The following UHRF2 variants were observed in gnomAD, a reference collection of about 807,000 sequenced individuals.
UHRF2 encodes the protein ubiquitin like with PHD and ring finger domains 2.
Under a neutral mutation model 96.8 loss-of-function variants are expected in UHRF2, and 23 were observed. The ratio of observed to expected loss-of-function variants is 0.24; its 90% CI spans 0.17 to 0.34. UHRF2 has a LOEUF of 0.34. Ranked by LOEUF, UHRF2 falls within the 10% of genes least tolerant of loss-of-function variation. UHRF2 has a pLI of 1.00. For missense variants in UHRF2, 685 were observed against 981.5 expected (o/e 0.70, Z 4.04); for synonymous variants, 385 against 332.6 (o/e 1.16, Z -1.72).
At chr9:6,461,342 CCTCT>C (rs1413857920) in intron 4 of UHRF2, among the ~76,000 whole-genome samples, 1 of 122,078 alleles carries the variant, frequency 8.2e-6, no homozygotes, top group African/African-American at 3.3e-5. Flanking sequence ...TCCCTCCCTC[CCTCT>C]CTCTCTCCCC....
At chr9:6,491,065 T>G (rs1435677587) in intron 9 of UHRF2, among the ~76,000 whole-genome samples, 1 of 152,234 alleles carries the variant, frequency 6.6e-6, no homozygotes, top group Non-Finnish European at 1.5e-5. Context: ...ATAACTGAGT[T>G]AATATTTTAG....
chr9:6,421,032 T>A lies in UHRF2; in HGVS notation c.274T>A (p.Cys92Ser). 6.2e-7 allele frequency: 1 copy of A among 1,614,196 alleles called. No homozygotes were observed. The highest frequency in any genetic ancestry group is 8.5e-7 in the Non-Finnish European group (1 of 1,180,032). The change falls in exon 2 of 16, where the codon TGT becomes AGT. Residue 92 changes from cysteine to serine, a missense_variant. Physicochemically the swap from Cys to Ser is moderately radical, Grantham distance 112 (BLOSUM62 -1). Coordinates refer to ENST00000276893, the MANE Select transcript of UHRF2 (RefSeq NM_152896.3). ...GTSTQIEAKP[C>S]SNSPPKVKKA... Reference sequence around the variant, plus strand: ...ATCTACACAGATTGAGGCTAAACCCTGTTCTAATAGTCCACCTAAAGTAAA... The same window carrying A: ...ATCTACACAGATTGAGGCTAAACCCAGTTCTAATAGTCCACCTAAAGTAAA...
chr9:6,464,687 C>G (rs1455177340), intron 4 of UHRF2, among the ~76,000 whole-genome samples: 1 of 152,172 alleles, frequency 6.6e-6, no homozygotes, highest in Non-Finnish European at 1.5e-5. Flanking sequence ...CATTGATCTT[C>G]AGTATCACCT....
chr9:6,433,206 T>C (rs1004121280), intron 2 of UHRF2, among the ~76,000 whole-genome samples: 7 of 152,332 alleles, frequency 4.6e-5, no homozygotes, highest in African/African-American at 1.7e-4. Context: ...CTTAATTCTC[T>C]GATACACCTG....
rs1426677781 is a variant in UHRF2, at chr9:6,413,211, T to C, written c.-280T>C. On this transcript the variant is annotated 5_prime_UTR_variant, in exon 1 of 16. Coordinates refer to ENST00000276893, the MANE Select transcript of UHRF2 (RefSeq NM_152896.3). ...GAGCTCCAGCTCTATAAGTAAACACTCTGCGCGGCGCAGACATGGCCTCTT... is the reference window on the plus strand; with the variant it reads ...GAGCTCCAGCTCTATAAGTAAACACCCTGCGCGGCGCAGACATGGCCTCTT... 2 of 162,318 alleles carry C rather than the reference T, an allele frequency of 1.2e-5. No homozygotes were observed. Among genetic ancestry groups the C allele is most frequent in the Non-Finnish European group, 2.7e-5 (2 of 74,840 alleles). 10.1% of individuals were successfully genotyped at this position (162,318 alleles called of 1,614,324 possible).
At chr9:6,500,003 A>C (rs1006824861) in intron 13 of UHRF2, 72 bp downstream of exon 13, 12 of 1,222,862 alleles carry the variant, frequency 9.8e-6, no homozygotes, top group Middle Eastern at 2.1e-4. Flanking sequence ...ACGGGGTCTC[A>C]CTCTTGTCAC....
intron 2 of UHRF2, among the ~76,000 whole-genome samples, chr9:6,427,386 A>G (rs183063783): frequency 1.6e-4 from 25 of 152,248 alleles, no homozygotes; most frequent in African/African-American, 6.0e-4. Flanking sequence ...TTTAAACAGT[A>G]TGTTAAGATG....
In UHRF2 at chr9:6,445,981, C is replaced by CTTTGTTTTTTTTTTTTTTTTTTT. The variant is rs751155835; in HGVS notation, c.644+11811_644+11812insGTTTTTTTTTTTTTTTTTTTTTT. Among the ~76,000 whole-genome samples, 16 of 78,900 alleles carry CTTTGTTTTTTTTTTTTTTTTTTT rather than the reference C, an allele frequency of 2.0e-4. 1 individual carries two copies. The highest frequency in any genetic ancestry group is 7.3e-4 in the African/African-American group (14 of 19,050). 51.8% of individuals were successfully genotyped at this position (78,900 alleles called of 152,430 possible). On this transcript the variant is annotated intron_variant, in intron 3 of 15. Coordinates refer to ENST00000276893, the MANE Select transcript of UHRF2 (RefSeq NM_152896.3). ...TAAATACTCTTCCCCCCCCGCCACC[C>CTTTGTTTTTTTTTTTTTTTTTTT]TTTTTTTTTTTTTTTTTTTCCTGTT...
chr9:6,498,071 C>G lies in UHRF2; in HGVS notation c.1821C>G (p.Arg607=). The G allele has an allele frequency of 6.2e-7, 1 of 1,613,808 alleles. No individual in the cohort carries two copies. Among genetic ancestry groups the G allele is most frequent in the Non-Finnish European group, 8.5e-7 (1 of 1,179,956 alleles). The change falls in exon 12 of 16, where the codon CGC becomes CGG. Residue 607 remains arginine, a synonymous_variant. Coordinates refer to ENST00000276893, the MANE Select transcript of UHRF2 (RefSeq NM_152896.3). ...ISSSHGFLVW[R]YLLRRDDVEP... is the part of the protein sequence containing the mutation. ...CAAGCCATGGATTCTTGGTTTGGCG[C>G]TATCTTTTAAGAAGAGATGATGTTG...
intron 6 of UHRF2, among the ~76,000 whole-genome samples, chr9:6,481,163 T>C (rs1823903237): frequency 6.6e-6 from 1 of 152,224 alleles, no homozygotes; most frequent in Admixed American, 6.5e-5. Flanking sequence ...AAAATGAAGC[T>C]AGCGATAAGG....
At chr9:6,426,265 C>T (rs1213870336) in intron 2 of UHRF2, among the ~76,000 whole-genome samples, 3 of 152,200 alleles carry the variant, frequency 2.0e-5, no homozygotes, top group Non-Finnish European at 4.4e-5. Context: ...TTTGACATCT[C>T]TTCTATTTCC....
chr9:6,502,746 C>A (rs965418945), intron 14 of UHRF2, among the ~76,000 whole-genome samples: 2 of 152,062 alleles, frequency 1.3e-5, no homozygotes, highest in African/African-American at 4.8e-5. Context: ...TAGATATACC[C>A]GTATTATAGG....
chr9:6,459,649 A>C (rs1822404407), intron 3 of UHRF2, among the ~76,000 whole-genome samples: 2 of 152,226 alleles, frequency 1.3e-5, no homozygotes, highest in African/African-American at 4.8e-5. Context: ...AGCCTGGCTG[A>C]CAGAGTAAGA....
chr9:6,470,943 C>G (rs370483193), intron 4 of UHRF2, among the ~76,000 whole-genome samples: 4 of 152,052 alleles, frequency 2.6e-5, no homozygotes, highest in African/African-American at 9.7e-5. Context: ...TTTATATTAA[C>G]TGTGAGTCAA....
chr9:6,470,797 T>A (rs558801042), intron 4 of UHRF2, among the ~76,000 whole-genome samples: 2 of 152,130 alleles, frequency 1.3e-5, no homozygotes, highest in Non-Finnish European at 2.9e-5. Flanking sequence ...AATAAAGGAT[T>A]TTTAACAAAT....
chr9:6,428,775 C>T (rs1246845476), intron 2 of UHRF2, among the ~76,000 whole-genome samples: 1 of 152,046 alleles, frequency 6.6e-6, no homozygotes, highest in Non-Finnish European at 1.5e-5. Context: ...TCTTGAACTC[C>T]TGGGTTCAAA....
At chr9:6,493,759 T>G (rs1007297270) in intron 9 of UHRF2, 67 bp from the exon 10 acceptor site, 3 of 1,385,156 alleles carry the variant, frequency 2.2e-6, no homozygotes, top group Non-Finnish European at 3.0e-6. Context: ...GTTTTGACTC[T>G]GAAATAAGAA....
At chr9:6,422,357 G>A (rs1423115454) in intron 2 of UHRF2, among the ~76,000 whole-genome samples, 1 of 152,152 alleles carries the variant, frequency 6.6e-6, no homozygotes, top group Non-Finnish European at 1.5e-5. Flanking sequence ...TGGGATTACA[G>A]TTCTGAGTAC....
intron 3 of UHRF2, among the ~76,000 whole-genome samples, chr9:6,452,112 G>T (rs1166293385): frequency 6.6e-6 from 1 of 151,658 alleles, no homozygotes; most frequent in Non-Finnish European, 1.5e-5. Context: ...ATATCCTGGA[G>T]ATCACTTCCT....
Sources: gnomAD v4.1 joint callset for allele counts (sites outside exome capture counted in the v4.1 genomes callset) on GRCh38, gnomAD v4.1.1 for gene constraint, MANE v1.5 for transcripts, NCBI Gene and HGNC (gene_info 2026-07-23, HGNC 2026-07-21) for gene names.